The following ACER1 variants were observed in gnomAD, a reference collection of about 807,000 sequenced individuals.
ACER1 encodes CTB-180A7.3.
ACER1 carries 28 observed loss-of-function variants against 24.9 expected under a neutral mutation model. The ratio of observed to expected loss-of-function variants is 1.13; its 90% CI spans 0.83 to 1.54. The LOEUF is 1.54. Ranked by LOEUF, ACER1 falls within the 40% of genes most tolerant of loss-of-function variation. The probability of loss-of-function intolerance (pLI) is 0.00; values close to 1 mark genes in which losing one functional copy is unlikely to be tolerated. For synonymous variants in ACER1, 132 were observed against 131.4 expected (o/e 1.00, Z -0.03); for missense variants, 352 against 349.3 (o/e 1.01, Z -0.06).
At position 6,312,967 on chromosome 19, in the gene ACER1, C is replaced by T. The variant is rs764252356; in HGVS notation, c.94-468G>A. Among the ~76,000 whole-genome samples the T allele has an allele frequency of 3.3e-5, 5 of 152,098 alleles. No individual in the cohort carries two copies. In the South Asian group the frequency reaches 8.3e-4, roughly 25 times the overall value. ...TGGTGGGATTACAGGTGTGAGCCAC[C>T]GCACCTAGCCACTTTTCAGCTGATC... is the stretch of plus-strand genomic sequence containing the variant. On this transcript the variant is annotated intron_variant, in intron 1 of 5. Coordinates refer to ENST00000301452, the MANE Select transcript of ACER1 (RefSeq NM_133492.3).
chr19:6,344,686 G>A, the ACER1 span, among the ~76,000 whole-genome samples: 10 of 151,644 alleles, frequency 6.6e-5, no homozygotes, highest in African/African-American at 1.9e-4. Context: ...GTGAGCCACC[G>A]CACCTGGCCT....
At chr19:6,324,932 C>T (rs1337539334) in intron 1 of ACER1, among the ~76,000 whole-genome samples, 1 of 146,916 alleles carries the variant, frequency 6.8e-6, no homozygotes, top group African/African-American at 2.5e-5. Context: ...GGAAACTCTC[C>T]TAAGTTGTCA....
chr19:6,347,109 A>AAAAAAAAAAAAATATAT, the ACER1 span, among the ~76,000 whole-genome samples: 43 of 113,770 alleles, frequency 3.8e-4, 1 homozygote, highest in African/African-American at 2.0e-3. Flanking sequence ...AAAAAAAAAA[A>AAAAAAAAAAAAATATAT]ATATATATAT....
the ACER1 span, among the ~76,000 whole-genome samples, chr19:6,355,139 G>C: frequency 5.3e-5 from 8 of 152,224 alleles, no homozygotes; most frequent in East Asian, 1.5e-3. Flanking sequence ...ATGGTGCCCA[G>C]GCTGGAGTGC....
chr19:6,345,541 T>C, the ACER1 span, among the ~76,000 whole-genome samples: 147 of 151,022 alleles, frequency 9.7e-4, no homozygotes, highest in African/African-American at 3.4e-3. Flanking sequence ...TGGGAGACAG[T>C]GACAGATCAT....
chr19:6,338,219 T>C (rs74994916), upstream of ACER1, among the ~76,000 whole-genome samples: 1,808 of 152,334 alleles, frequency 0.012, 39 homozygotes, highest in African/African-American at 0.042. Flanking sequence ...GTCAATTTCC[T>C]GGGCTCAAGC....
At chr19:6,340,207 G>A in the ACER1 span, among the ~76,000 whole-genome samples, 1 of 151,750 alleles carries the variant, frequency 6.6e-6, no homozygotes, top group African/African-American at 2.4e-5. Flanking sequence ...CTTGAGCCTG[G>A]GAGGTGGAGG....
At chr19:6,312,027 G>A (rs1242683037) in intron 3 of ACER1, 122 bp downstream of exon 3, 1 of 1,328,544 alleles carries the variant, frequency 7.5e-7, no homozygotes, top group Non-Finnish European at 1.0e-6. Flanking sequence ...GTGGTCAGGG[G>A]AGGAATTCCA....
intron 4 of ACER1, among the ~76,000 whole-genome samples, chr19:6,308,739 A>G (rs1033780768): frequency 6.6e-6 from 1 of 152,068 alleles, no homozygotes; most frequent in African/African-American, 2.4e-5. Flanking sequence ...TAATCAGGGG[A>G]GTTAAATTAT....
At chr19:6,314,015 C>T (rs1339896592) in intron 1 of ACER1, among the ~76,000 whole-genome samples, 3 of 152,094 alleles carry the variant, frequency 2.0e-5, no homozygotes, top group Non-Finnish European at 2.9e-5. Flanking sequence ...GCCTGTAATC[C>T]CAGCACTTTG....
At chr19:6,347,678 A>T in the ACER1 span, among the ~76,000 whole-genome samples, 31 of 151,738 alleles carry the variant, frequency 2.0e-4, no homozygotes, top group South Asian at 6.2e-3. Context: ...TCTACTAAAA[A>T]TACAAAAATT....
At chr19:6,343,381 C>T in the ACER1 span, among the ~76,000 whole-genome samples, 1 of 152,116 alleles carries the variant, frequency 6.6e-6, no homozygotes, top group Non-Finnish European at 1.5e-5. Flanking sequence ...CAGCATGTGG[C>T]CTCCATCCCA....
intron 1 of ACER1, among the ~76,000 whole-genome samples, chr19:6,331,122 G>A (rs1239869508): frequency 6.8e-6 from 1 of 146,096 alleles, no homozygotes; most frequent in Admixed American, 6.7e-5. Flanking sequence ...CACGTAAAAT[G>A]TTTAGGGTCA....
chr19:6,309,441 G>C (rs2091566616), intron 4 of ACER1, among the ~76,000 whole-genome samples: 1 of 152,064 alleles, frequency 6.6e-6, no homozygotes, highest in African/African-American at 2.4e-5. Context: ...AGGATTGCTT[G>C]AGCCTGGGAG....
intron 1 of ACER1, 32 bp from the exon 2 acceptor site, chr19:6,312,531 G>A (rs200454244): frequency 6.2e-5 from 97 of 1,567,194 alleles, no homozygotes; most frequent in African/African-American, 4.7e-4. Context: ...GGAGGAGCTC[G>A]TCAGATAGGG....
the ACER1 span, among the ~76,000 whole-genome samples, chr19:6,348,284 G>A: frequency 1.3e-5 from 2 of 151,752 alleles, no homozygotes; most frequent in Non-Finnish European, 2.9e-5. Context: ...GGCCAACATG[G>A]TGAAACCCTG....
chr19:6,324,247 T>C (rs922670588), intron 1 of ACER1, among the ~76,000 whole-genome samples: 8 of 151,876 alleles, frequency 5.3e-5, no homozygotes, highest in Admixed American at 2.0e-4. Context: ...TTTCACCATG[T>C]TGGCCAGGCT....
intron 4 of ACER1, among the ~76,000 whole-genome samples, chr19:6,309,326 T>C (rs547674263): frequency 4.0e-4 from 60 of 151,780 alleles, no homozygotes; most frequent in African/African-American, 1.3e-3. Flanking sequence ...CAAGACCAGA[T>C]TGGGCAACAT....
intron 1 of ACER1, among the ~76,000 whole-genome samples, chr19:6,313,335 G>T (rs960824600): frequency 1.3e-5 from 2 of 152,108 alleles, no homozygotes; most frequent in African/African-American, 2.4e-5. Flanking sequence ...CACCCAGGCT[G>T]GTTGCAAGCT....
Sources: allele counts gnomAD v4.1 joint callset (sites outside exome capture counted in the v4.1 genomes callset), GRCh38; gene constraint gnomAD v4.1.1; transcripts MANE v1.5; gene names NCBI Gene and HGNC (gene_info 2026-07-23, HGNC 2026-07-21).